CSMD1: variants seen among roughly 807,000 people sequenced by gnomAD.
CSMD1 encodes the protein CUB and sushi domain-containing protein 1.
A neutral mutation model predicts 417.5 loss-of-function variants in CSMD1; 213 were observed. The observed-to-expected ratio is 0.51, with a 90% CI of 0.46 to 0.57. CSMD1 has a LOEUF of 0.57. Ranked by LOEUF, CSMD1 falls within the 20% of genes least tolerant of loss-of-function variation. CSMD1 has a pLI of 0.00. For synonymous variants in CSMD1, 2,862 were observed against 1,736.8 expected, an observed-to-expected ratio of 1.65 and a Z score of -16.11; for missense variants, 6,923 against 4,529.7, an observed-to-expected ratio of 1.53 and a Z score of -15.17.
At chr8:4,088,409 G>A (rs576599555) in intron 3 of CSMD1, among the ~76,000 whole-genome samples, 1 of 152,108 alleles carries the variant, frequency 6.6e-6, no homozygotes, top group East Asian at 1.9e-4. Context: ...CCTTTTCTCA[G>A]GTTTCCTCTC....
At chr8:4,362,570 C>A (rs978409123) in intron 3 of CSMD1, among the ~76,000 whole-genome samples, 5 of 152,068 alleles carry the variant, frequency 3.3e-5, no homozygotes, top group African/African-American at 9.7e-5. Flanking sequence ...TAATATAGCC[C>A]CGTGAAGTGT....
chr8:4,466,326 G>C (rs985888989), intron 2 of CSMD1, among the ~76,000 whole-genome samples: 2 of 152,086 alleles, frequency 1.3e-5, no homozygotes, highest in Non-Finnish European at 2.9e-5. Flanking sequence ...AGGGAAGAAA[G>C]AAAGGGAAGA....
At chr8:3,275,198 G>C (rs1802185441) in intron 26 of CSMD1, among the ~76,000 whole-genome samples, 1 of 152,120 alleles carries the variant, frequency 6.6e-6, no homozygotes, top group Non-Finnish European at 1.5e-5. Context: ...AGCTTAGTTT[G>C]GCTGGATATG....
At chr8:4,026,375 C>T (rs1305515255) in intron 4 of CSMD1, among the ~76,000 whole-genome samples, 2 of 152,180 alleles carry the variant, frequency 1.3e-5, no homozygotes, top group African/African-American at 4.8e-5. Flanking sequence ...GATAAAAGCA[C>T]ACTGATCTCA....
intron 5 of CSMD1, among the ~76,000 whole-genome samples, chr8:3,849,585 C>A (rs1011569008): frequency 6.6e-5 from 10 of 152,122 alleles, no homozygotes; most frequent in African/African-American, 2.2e-4. Flanking sequence ...TAATGCTCCA[C>A]ATGGGAAAAG....
At chr8:4,788,121 T>C (rs1229726073) in intron 1 of CSMD1, 3 of 1,603,930 alleles carry the variant, frequency 1.9e-6, no homozygotes, top group South Asian at 1.1e-5. Flanking sequence ...GGTTGTAGTG[T>C]TGATGGGCTC....
intron 2 of CSMD1, among the ~76,000 whole-genome samples, chr8:4,632,971 A>T (rs1183508682): frequency 1.3e-5 from 2 of 152,188 alleles, no homozygotes; most frequent in African/African-American, 2.4e-5. Flanking sequence ...ACTGAAGGAC[A>T]GAATGCAGTT....
At chr8:4,711,766 T>A (rs1584981340) in intron 1 of CSMD1, among the ~76,000 whole-genome samples, 1 of 152,302 alleles carries the variant, frequency 6.6e-6, no homozygotes, top group Non-Finnish European at 1.5e-5. Context: ...AGTTTTTGTT[T>A]GCTTTTGTTT....
chr8:3,279,479 C>G (rs1002607996), intron 26 of CSMD1, among the ~76,000 whole-genome samples: 1 of 152,068 alleles, frequency 6.6e-6, no homozygotes, highest in African/African-American at 2.4e-5. Context: ...TTGCCAAGGT[C>G]CTTTACAGAA....
intron 5 of CSMD1, among the ~76,000 whole-genome samples, chr8:3,811,571 G>C (rs1236435387): frequency 2.6e-5 from 4 of 151,990 alleles, no homozygotes; most frequent in Admixed American, 6.6e-5. Flanking sequence ...CCACATCCTC[G>C]GTCAAGGCCA....
At chr8:4,920,083 C>T (rs1806335882) in intron 1 of CSMD1, among the ~76,000 whole-genome samples, 2 of 152,076 alleles carry the variant, frequency 1.3e-5, no homozygotes, top group African/African-American at 2.4e-5. Flanking sequence ...AATGAAAAGA[C>T]AAATAGAAGA....
chr8:4,964,265 G>A (rs544737616), intron 1 of CSMD1, among the ~76,000 whole-genome samples: 3 of 151,960 alleles, frequency 2.0e-5, no homozygotes, highest in Non-Finnish European at 4.4e-5. Context: ...TGTAATCCCA[G>A]CAGTTTGGGA....
intron 5 of CSMD1, among the ~76,000 whole-genome samples, chr8:3,787,003 G>A (rs927298881): frequency 1.3e-5 from 2 of 152,154 alleles, no homozygotes; most frequent in African/African-American, 4.8e-5. Context: ...GAAGCTGAGG[G>A]TCAGGATCTG....
chr8:4,294,912 G>A (rs1250061930), intron 3 of CSMD1, among the ~76,000 whole-genome samples: 2 of 151,536 alleles, frequency 1.3e-5, no homozygotes, highest in African/African-American at 2.4e-5. Flanking sequence ...GAAAGCCTCA[G>A]GTAACCATGT....
At chr8:4,768,488 C>T (rs1290571158) in intron 1 of CSMD1, among the ~76,000 whole-genome samples, 1 of 152,192 alleles carries the variant, frequency 6.6e-6, no homozygotes, top group African/African-American at 2.4e-5. Flanking sequence ...GGCCTTGGTG[C>T]TTAGCTCCTT....
At chr8:4,355,184 C>T (rs1437181689) in intron 3 of CSMD1, among the ~76,000 whole-genome samples, 1 of 151,830 alleles carries the variant, frequency 6.6e-6, no homozygotes, top group Admixed American at 6.6e-5. Flanking sequence ...ATGGCGTGAA[C>T]CTGGGAGGCG....
At chr8:2,977,941 C>G (rs1805075121) in intron 55 of CSMD1, among the ~76,000 whole-genome samples, 1 of 152,086 alleles carries the variant, frequency 6.6e-6, no homozygotes, top group Non-Finnish European at 1.5e-5. Context: ...GCTGGCGAGG[C>G]TGTGGAGAAA....
At chr8:4,078,043 T>C (rs1320311019) in intron 3 of CSMD1, among the ~76,000 whole-genome samples, 3 of 151,982 alleles carry the variant, frequency 2.0e-5, no homozygotes, top group Admixed American at 6.6e-5. Flanking sequence ...AATCCACCAG[T>C]AGGGAGTAGG....
chr8:3,995,218 C>G (rs1003152476), intron 5 of CSMD1, among the ~76,000 whole-genome samples: 2 of 152,222 alleles, frequency 1.3e-5, no homozygotes, highest in African/African-American at 4.8e-5. Context: ...TAAATGTGCT[C>G]CTGTAGGTTT....
Sources: allele counts gnomAD v4.1 joint callset (sites outside exome capture counted in the v4.1 genomes callset), GRCh38; gene constraint gnomAD v4.1.1; transcripts MANE v1.5; gene names NCBI Gene and HGNC (gene_info 2026-07-23, HGNC 2026-07-21).